KCNJ3: variants seen among roughly 807,000 people sequenced by gnomAD.
KCNJ3 encodes G protein-activated inward rectifier potassium channel 1.
KCNJ3 carries 4 observed loss-of-function variants against 39.2 expected under a neutral mutation model. The observed-to-expected ratio is 0.10, with a 90% CI of 0.05 to 0.23. KCNJ3 has a LOEUF of 0.23. Among genes scored for constraint, KCNJ3 ranks in the 10% least tolerant of loss-of-function variants. KCNJ3 has a pLI of 1.00. For synonymous variants in KCNJ3, 230 were observed against 237.4 expected (o/e 0.97, Z 0.29); for missense variants, 276 against 634.9 (o/e 0.43, Z 6.08).
At chr2:154,770,081 G>T (rs903823541) in intron 2 of KCNJ3, among the ~76,000 whole-genome samples, 8 of 152,146 alleles carry the variant, frequency 5.3e-5, no homozygotes, top group Admixed American at 4.6e-4. Context: ...AGAATGAGTT[G>T]CACACCTTAA....
In KCNJ3 at chr2:154,705,716, T is replaced by C. The variant is rs552680610; in HGVS notation, c.703-3887T>C. 7.2e-5 allele frequency among the ~76,000 whole-genome samples: 11 copies of C among 152,294 alleles called. 1 individual carries two copies. In the South Asian group the frequency reaches 2.1e-3, roughly 29 times the overall value. ...AAAATTATTGCCACAACCAAAATTG[T>C]ACAGAATTATCAAAAAATACCTAAT... On this transcript the variant is annotated intron_variant, in intron 1 of 2. Transcript: ENST00000295101.
intron 2 of KCNJ3, among the ~76,000 whole-genome samples, chr2:154,782,566 T>G (rs1289857072): frequency 1.3e-5 from 2 of 151,890 alleles, no homozygotes; most frequent in East Asian, 3.9e-4. Context: ...ACATCCAACA[T>G]GCATTTTATA....
chr2:154,757,282 C>T (rs116358294), intron 2 of KCNJ3, among the ~76,000 whole-genome samples: 1,551 of 152,106 alleles, frequency 0.01, 19 homozygotes, highest in African/African-American at 0.035. Context: ...GGTTTTCTAT[C>T]TGTGAGCAGT....
At chr2:154,844,201 C>T (rs1411871612) in intron 2 of KCNJ3, among the ~76,000 whole-genome samples, 1 of 152,162 alleles carries the variant, frequency 6.6e-6, no homozygotes, top group East Asian at 1.9e-4. Flanking sequence ...ACAATCAGCT[C>T]CCTCAGCTGC....
intron 2 of KCNJ3, among the ~76,000 whole-genome samples, chr2:154,790,992 C>T (rs111383937): frequency 0.069 from 10,434 of 152,024 alleles, 443 homozygotes; most frequent in African/African-American, 0.11. Flanking sequence ...TTCTTATCAT[C>T]GCATTTGTCC....
chr2:154,777,614 G>C (rs1431954490), intron 2 of KCNJ3, among the ~76,000 whole-genome samples: 2 of 152,110 alleles, frequency 1.3e-5, no homozygotes, highest in South Asian at 4.1e-4. Context: ...ATTATTAGTT[G>C]AATCAATAAC....
chr2:154,853,734 T>A (rs1223309597), intron 2 of KCNJ3, among the ~76,000 whole-genome samples: 2 of 152,170 alleles, frequency 1.3e-5, no homozygotes, highest in East Asian at 3.8e-4. Flanking sequence ...ACAAAATGAA[T>A]ATTCACAAGT....
At chr2:154,839,566 T>C (rs985353730) in intron 2 of KCNJ3, among the ~76,000 whole-genome samples, 4 of 152,194 alleles carry the variant, frequency 2.6e-5, no homozygotes, top group African/African-American at 9.7e-5. Flanking sequence ...GTAAAAGCAT[T>C]CCTATTTCTC....
chr2:154,841,127 A>G (rs993241468), intron 2 of KCNJ3, among the ~76,000 whole-genome samples: 2 of 152,152 alleles, frequency 1.3e-5, no homozygotes, highest in African/African-American at 2.4e-5. Context: ...TAGTTTATTG[A>G]GAGTTTTTAA....
intron 2 of KCNJ3, among the ~76,000 whole-genome samples, chr2:154,840,931 G>T (rs1687564568): frequency 6.6e-6 from 1 of 151,982 alleles, no homozygotes; most frequent in East Asian, 1.9e-4. Context: ...TTATTTCTTT[G>T]TCTTTCCTGA....
At chr2:154,833,594 A>G (rs1344968327) in intron 2 of KCNJ3, among the ~76,000 whole-genome samples, 2 of 152,198 alleles carry the variant, frequency 1.3e-5, no homozygotes, top group East Asian at 3.9e-4. Flanking sequence ...TTTGTGTTAT[A>G]TATTCTGAGT....
At chr2:154,805,605 A>C (rs1191300025) in intron 2 of KCNJ3, among the ~76,000 whole-genome samples, 1 of 152,160 alleles carries the variant, frequency 6.6e-6, no homozygotes, top group Non-Finnish European at 1.5e-5. Context: ...TTTTTAGTTA[A>C]AGGGCTATGA....
intron 2 of KCNJ3, among the ~76,000 whole-genome samples, chr2:154,824,008 A>G (rs1200140717): frequency 6.6e-6 from 1 of 152,084 alleles, no homozygotes; most frequent in Non-Finnish European, 1.5e-5. Flanking sequence ...TTGCAATGAG[A>G]AATTGAGAAA....
intron 2 of KCNJ3, among the ~76,000 whole-genome samples, chr2:154,842,651 T>C (rs1456838385): frequency 6.6e-6 from 1 of 152,212 alleles, no homozygotes; most frequent in African/African-American, 2.4e-5. Flanking sequence ...ATATTTAGGA[T>C]AGTTAGCTCT....
intron 2 of KCNJ3, among the ~76,000 whole-genome samples, chr2:154,716,223 C>A (rs1364388007): frequency 6.6e-6 from 1 of 151,572 alleles, no homozygotes; most frequent in Non-Finnish European, 1.5e-5. Flanking sequence ...CGTTCTCCTG[C>A]CTCAGCCTGC....
chr2:154,702,413 C>A (rs1159936605), intron 1 of KCNJ3, among the ~76,000 whole-genome samples: 5 of 151,798 alleles, frequency 3.3e-5, no homozygotes, highest in Non-Finnish European at 5.9e-5. Context: ...AATTATAAAG[C>A]ACTTTTTGAT....
chr2:154,776,567 C>T (rs1686339116), intron 2 of KCNJ3, among the ~76,000 whole-genome samples: 1 of 152,012 alleles, frequency 6.6e-6, no homozygotes, highest in African/African-American at 2.4e-5. Flanking sequence ...TCTTACCATT[C>T]CTGAAATTGT....
chr2:154,711,139 T>C (rs1685096184), intron 2 of KCNJ3, among the ~76,000 whole-genome samples: 1 of 152,128 alleles, frequency 6.6e-6, no homozygotes, highest in Admixed American at 6.5e-5. Context: ...TATTTTATGA[T>C]TTAAAGCTCC....
At chr2:154,843,654 C>T (rs1209701558) in intron 2 of KCNJ3, among the ~76,000 whole-genome samples, 4 of 151,900 alleles carry the variant, frequency 2.6e-5, no homozygotes, top group Non-Finnish European at 5.9e-5. Flanking sequence ...TCTTTTTTCT[C>T]TAACCTCGTC....
Sources: gnomAD v4.1 joint callset for allele counts (sites outside exome capture counted in the v4.1 genomes callset) on GRCh38, gnomAD v4.1.1 for gene constraint, MANE v1.5 for transcripts, NCBI Gene and HGNC (gene_info 2026-07-23, HGNC 2026-07-21) for gene names.